ATAD3C: variants seen among roughly 807,000 people sequenced by gnomAD.
The protein encoded by ATAD3C is ATPase family AAA domain-containing protein 3C.
Under a neutral mutation model 46.3 loss-of-function variants are expected in ATAD3C, and 38 were observed. That is an observed-to-expected ratio of 0.82 (90% CI 0.63 to 1.08). ATAD3C has a LOEUF of 1.08. Among genes scored for constraint, ATAD3C ranks in the 50% least tolerant of loss-of-function variants. The probability of loss-of-function intolerance (pLI) is 0.00; values close to 1 mark genes in which losing one functional copy is unlikely to be tolerated. For synonymous variants in ATAD3C, 220 were observed against 236.4 expected, an observed-to-expected ratio of 0.93 and a Z score of 0.63; for missense variants, 563 against 572.7, an observed-to-expected ratio of 0.98 and a Z score of 0.17.
At chr1:1,465,503 A>ATCACT (rs1639130867) in intron 11 of ATAD3C, among the ~76,000 whole-genome samples, 1 of 148,496 alleles carries the variant, frequency 6.7e-6, no homozygotes, top group Non-Finnish European at 1.5e-5. Flanking sequence ...AGGCAGGAGA[A>ATCACT]TGGGGTGAAT....
intron 11 of ATAD3C, among the ~76,000 whole-genome samples, chr1:1,464,002 C>T (rs894658483): frequency 2.6e-5 from 4 of 151,264 alleles, no homozygotes; most frequent in African/African-American, 4.9e-5. Context: ...GCCAGGAGTT[C>T]GAGACCAGCC....
chr1:1,455,110 G>A (rs1021021974), intron 4 of ATAD3C, among the ~76,000 whole-genome samples: 1 of 150,284 alleles, frequency 6.7e-6, no homozygotes, highest in African/African-American at 2.5e-5. Context: ...CCAGCTACTC[G>A]GGAGGCTGAG....
intron 11 of ATAD3C, among the ~76,000 whole-genome samples, chr1:1,466,826 C>G (rs1189272921): frequency 6.6e-6 from 1 of 151,908 alleles, no homozygotes; most frequent in Non-Finnish European, 1.5e-5. Context: ...ATTGGCATGT[C>G]ATTTTTCTTG....
At position 1,456,986 on chromosome 1, in the gene ATAD3C, A is replaced by G. The variant is rs566842147; in HGVS notation, c.690-143A>G. On this transcript the variant is annotated intron_variant, in intron 7 of 11. Transcript: ENST00000378785. ...TTCTGTCGGTGGATCAGCTTCTGTC[A>G]GGTCCAGGACTTAGGGCTCCGTGGG... is the stretch of plus-strand genomic sequence containing the variant. 1.0e-4 allele frequency: 116 copies of G among 1,135,436 alleles called. No homozygotes were observed. In the African/African-American group the frequency reaches 1.4e-3, roughly 14 times the overall value. 70.3% of individuals were successfully genotyped at this position (1,135,436 alleles called of 1,614,324 possible).
rs11488467 is a variant in ATAD3C at position 1,459,958 on chromosome 1, C to T, written c.812+727C>T. On this transcript the variant is annotated intron_variant, in intron 9 of 11. Transcript: ENST00000378785. The surrounding 1 kb of genome is among the most constrained non-coding windows in gnomAD (Gnocchi z 4.9). ...TCCTGGGTCAGCTGCTGCCGGTAGA[C>T]GCTCCCTGGAGCCCTGACTCGGGTC... Among the ~76,000 whole-genome samples, 1,787 of 152,092 alleles carry T rather than the reference C, an allele frequency of 0.012. 44 individuals carry two copies. Among genetic ancestry groups the T allele is most frequent in the African/African-American group, 0.04 (1,667 of 41,492 alleles).
chr1:1,466,144 A>T (rs1322219540), intron 11 of ATAD3C, among the ~76,000 whole-genome samples: 1 of 150,424 alleles, frequency 6.6e-6, no homozygotes, highest in East Asian at 2.0e-4. Flanking sequence ...TGGGAAGCTG[A>T]GGCAGGAGAA....
chr1:1,458,088 C>G (rs1245477939), intron 8 of ATAD3C, among the ~76,000 whole-genome samples: 1 of 151,820 alleles, frequency 6.6e-6, no homozygotes, highest in African/African-American at 2.4e-5. Flanking sequence ...AAGCTGGTCT[C>G]CTGCCTCAGC....
chr1:1,465,151 G>A (rs1639125975), intron 11 of ATAD3C, among the ~76,000 whole-genome samples: 1 of 151,588 alleles, frequency 6.6e-6, no homozygotes, highest in African/African-American at 2.4e-5. Flanking sequence ...CTCCCAAAGT[G>A]CTGGGATTCA....
rs1639208167 is a variant in ATAD3C at position 1,469,583 on chromosome 1, C to T, written c.*1053C>T. 6.6e-6 allele frequency: 1 copy of T among 151,666 alleles called. No individual in the cohort carries two copies. Among genetic ancestry groups the T allele is most frequent in the South Asian group, 2.1e-4 (1 of 4,788 alleles). 9.4% of individuals were successfully genotyped at this position (151,666 alleles called of 1,614,324 possible). ...GGTAGAGACAGGGTCCCTTTGTTGC[C>T]CAGGCTGGTCTCCAACTCCTGGGCT... On this transcript the variant is annotated 3_prime_UTR_variant, in exon 12 of 12. Transcript: ENST00000378785.
intron 11 of ATAD3C, among the ~76,000 whole-genome samples, chr1:1,463,471 TATG>T (rs1639101994): frequency 6.6e-6 from 1 of 151,794 alleles, no homozygotes; most frequent in Non-Finnish European, 1.5e-5. Flanking sequence ...GGAGCCGGGG[TATG>T]TAGGGAGCTG....
chr1:1,453,288 C>A (rs1295483215), intron 3 of ATAD3C, among the ~76,000 whole-genome samples: 1 of 152,040 alleles, frequency 6.6e-6, no homozygotes, highest in Admixed American at 6.6e-5. Flanking sequence ...CTGCAACCTG[C>A]GCCTCCCGGG....
At chr1:1,468,094 G>C (rs1240727) in intron 11 of ATAD3C, among the ~76,000 whole-genome samples, 36,696 of 151,344 alleles carry the variant, frequency 0.24, 7,659 homozygotes, top group East Asian at 0.62. Context: ...ACCTGCCTCT[G>C]GGAAGCTGCC....
chr1:1,455,359 G>C (rs1010892339), intron 4 of ATAD3C, 101 bp from the exon 5 acceptor site: 13 of 1,501,694 alleles, frequency 8.7e-6, no homozygotes, highest in Non-Finnish European at 1.2e-5. Context: ...GCTGTGATTC[G>C]GGGCAGCTCC....
intron 11 of ATAD3C, among the ~76,000 whole-genome samples, chr1:1,464,823 T>A (rs1255930376): frequency 6.6e-6 from 1 of 151,966 alleles, no homozygotes; most frequent in Non-Finnish European, 1.5e-5. Context: ...TAATTGAGGT[T>A]TTCACAGGGA....
intron 7 of ATAD3C, 133 bp from the exon 8 acceptor site, chr1:1,456,996 C>T: frequency 7.8e-7 from 1 of 1,278,912 alleles, no homozygotes; most frequent in Non-Finnish European, 1.1e-6. Context: ...AGGTCCAGGA[C>T]TTAGGGCTCC....
In ATAD3C at chr1:1,451,099, G is replaced by T. The variant is rs111970618; in HGVS notation, c.75+341G>T. Among the ~76,000 whole-genome samples, 684 of 151,394 alleles carry T rather than the reference G, an allele frequency of 4.5e-3. 11 individuals are homozygous for T. The highest frequency in any genetic ancestry group is 0.016 in the African/African-American group (650 of 41,264). ...TCTGTCGCCCAGGCTGGAGTGCAGT[G>T]GTGCGACCTTGGCTCACTGCAAGCT... is the stretch of plus-strand genomic sequence containing the variant. On this transcript the variant is annotated intron_variant, in intron 1 of 11. Coordinates refer to ENST00000378785, the MANE Select transcript of ATAD3C (RefSeq NM_001039211.3).
chr1:1,455,361 G>C (rs1006464197), intron 4 of ATAD3C, 99 bp from the exon 5 acceptor site: 1 of 1,510,550 alleles, frequency 6.6e-7, no homozygotes. Flanking sequence ...TGTGATTCGG[G>C]GCAGCTCCGT....
rs1638839084 is a variant in ATAD3C at position 1,450,683 on chromosome 1, C to T, written c.-1C>T. ...CCTCCGTGTCCCTGCATCTGCAGGC[C>T]ATGTCAAAGGACGCCCTGAATCTGG... On this transcript the variant is annotated 5_prime_UTR_variant, in exon 1 of 12. Transcript: ENST00000378785. The T allele has an allele frequency of 8.7e-6, 14 of 1,612,068 alleles. 2 individuals carry two copies. The highest frequency in any genetic ancestry group is 1.0e-5 in the Non-Finnish European group (12 of 1,178,970).
At chr1:1,457,455 G>A (rs1256745046) in intron 8 of ATAD3C, among the ~76,000 whole-genome samples, 2 of 151,250 alleles carry the variant, frequency 1.3e-5, no homozygotes, top group Admixed American at 6.6e-5. Context: ...AATTAGCTGT[G>A]CGTGGTGGCG....
Sources: gnomAD v4.1 joint callset for allele counts (sites outside exome capture counted in the v4.1 genomes callset) on GRCh38, gnomAD v4.1.1 for gene constraint, Gnocchi (gnomAD v3.1) non-coding constraint, MANE v1.5 for transcripts, NCBI Gene and HGNC (gene_info 2026-07-23, HGNC 2026-07-21) for gene names.